Variants in CHPT1 observed in about 807,000 individuals in gnomAD.
CHPT1 encodes the protein cholinephosphotransferase 1.
CHPT1 carries 36 observed loss-of-function variants against 47.6 expected under a neutral mutation model. That is an observed-to-expected ratio of 0.76 (90% confidence interval 0.58 to 1.00). The LOEUF (loss-of-function observed/expected upper bound fraction) is 1.00, where lower values mean the gene tolerates loss of function less well. Among genes scored for constraint, CHPT1 ranks in the 50% least tolerant of loss-of-function variants. The pLI is 0.00. For synonymous variants in CHPT1, 194 were observed against 186.3 expected (o/e 1.04, Z -0.33); for missense variants, 458 against 498.1 (o/e 0.92, Z 0.77).
rs1161281095 is a variant in CHPT1 at position 101,728,892 on chromosome 12, A to G, written c.1177-9A>G. On this transcript the variant is annotated splice_polypyrimidine_tract_variant and intron_variant, in intron 8 of 8. Transcript: ENST00000229266. ...TTAGCTAACGTTATAATTGTATCATATTACTTAGGTTCAAGTTCTTTCTTC... is the reference window on the plus strand; with the variant it reads ...TTAGCTAACGTTATAATTGTATCATGTTACTTAGGTTCAAGTTCTTTCTTC... 23 of 1,613,064 alleles carry G rather than the reference A, an allele frequency of 1.4e-5. No homozygotes were observed. The highest frequency in any genetic ancestry group is 1.9e-5 in the Non-Finnish European group (23 of 1,179,514).
At chr12:101,709,318 G>A (rs2137008617) in intron 1 of CHPT1, among the ~76,000 whole-genome samples, 1 of 139,052 alleles carries the variant, frequency 7.2e-6, no homozygotes, top group African/African-American at 2.6e-5. Context: ...AGGATTGCAT[G>A]AACCCAGGAG....
intron 3 of CHPT1, 61 bp from the exon 4 acceptor site, chr12:101,716,667 C>CCT: frequency 9.9e-7 from 1 of 1,013,862 alleles, no homozygotes. Context: ...ATGTGATGAA[C>CCT]CTCCATATTC....
In CHPT1 at chr12:101,708,642, C is replaced by T. The variant is rs149054112; in HGVS notation, c.274-5448C>T. On this transcript the variant is annotated intron_variant, in intron 1 of 8. Coordinates refer to ENST00000229266, the MANE Select transcript of CHPT1 (RefSeq NM_020244.3). ...AATTATTTAGAGACAGGGTCTCACTCTGTTGCCCCAGCTGGAGTGCAGTGG... is the reference window on the plus strand; with the variant it reads ...AATTATTTAGAGACAGGGTCTCACTTTGTTGCCCCAGCTGGAGTGCAGTGG... Among the ~76,000 whole-genome samples, 714 of 150,118 alleles carry T rather than the reference C, an allele frequency of 4.8e-3. 63 individuals are homozygous for T. Among genetic ancestry groups the T allele is most frequent in the Middle Eastern group, 0.04 (11 of 272 alleles).
At position 101,697,970 on chromosome 12, in the gene CHPT1, G is replaced by A. The variant is rs201923549; in HGVS notation, c.109G>A (p.Ala37Thr). The change falls in exon 1 of 9, where the codon GCG (alanine) becomes ACG (threonine). Residue 37 changes from alanine (A) to threonine (T), a missense_variant. By Grantham distance (58) the Ala-to-Thr change is moderately conservative. Coordinates refer to ENST00000229266, the MANE Select transcript of CHPT1 (RefSeq NM_020244.3). ...RRLEEHRYSA[A>T]GVSLLEPPLQ... is the part of the protein sequence containing the mutation. ...ACTGGAGGAGCACCGCTACAGCGCGGCGGGCGTCTCGCTGCTCGAGCCGCC... is the reference window on the plus strand; with the variant it reads ...ACTGGAGGAGCACCGCTACAGCGCGACGGGCGTCTCGCTGCTCGAGCCGCC... The A allele has an allele frequency of 6.5e-4, 978 of 1,506,508 alleles. 3 individuals carry two copies. The African/African-American group carries it at 0.012, about 19-fold the overall frequency. The allele number at this position is 1,506,508 out of a possible 1,614,324, so 93.3% of individuals were successfully genotyped here.
intron 1 of CHPT1, among the ~76,000 whole-genome samples, chr12:101,705,441 G>A (rs1951618083): frequency 1.6e-5 from 1 of 61,912 alleles, no homozygotes; most frequent in Admixed American, 1.8e-4. Flanking sequence ...TTTACCTACA[G>A]ATCACCTAAA....
chr12:101,724,159 C>T (rs533536208), intron 7 of CHPT1, among the ~76,000 whole-genome samples: 3 of 147,902 alleles, frequency 2.0e-5, no homozygotes, highest in South Asian at 2.1e-4. Flanking sequence ...GCAGAGGTTG[C>T]GGTGAGCCGA....
chr12:101,718,231 A>T (rs1951792829), intron 4 of CHPT1, among the ~76,000 whole-genome samples: 2 of 152,188 alleles, frequency 1.3e-5, no homozygotes, highest in African/African-American at 4.8e-5. Context: ...TAGCACACAG[A>T]ATGTGTAACA....
chr12:101,725,729 G>C (rs1427320361), intron 7 of CHPT1, among the ~76,000 whole-genome samples: 1 of 152,040 alleles, frequency 6.6e-6, no homozygotes, highest in Non-Finnish European at 1.5e-5. Context: ...CCCTCTCCAA[G>C]GGCAGAGCTA....
In CHPT1 at chr12:101,697,685, G is replaced by C. The variant is rs867669018; in HGVS notation, c.-177G>C. On this transcript the variant is annotated 5_prime_UTR_variant, in exon 1 of 9. Transcript: ENST00000229266. ...CCGCGGCCCCACAGCTTCTGGGGCT[G>C]GGGCCCCGGCAGCCGGGCAGGCCGG... The C allele has an allele frequency of 5.9e-6, 1 of 168,566 alleles. No individual in the cohort carries two copies. The highest frequency in any genetic ancestry group is 2.0e-4 in the South Asian group (1 of 5,022). 10.4% of individuals were successfully genotyped at this position (168,566 alleles called of 1,614,324 possible). A position where few individuals can be genotyped will look rare whatever the true frequency, so the allele number is the denominator to read the frequency against.
chr12:101,724,360 C>T (rs898570135), intron 7 of CHPT1, among the ~76,000 whole-genome samples: 5 of 152,002 alleles, frequency 3.3e-5, no homozygotes, highest in Non-Finnish European at 1.5e-5. Context: ...TTTCCAACAA[C>T]CTGGATTCTT....
At chr12:101,717,502 T>C (rs1289801873) in intron 4 of CHPT1, 3 of 290,612 alleles carry the variant, frequency 1.0e-5, no homozygotes, top group South Asian at 3.5e-5. Context: ...TCAATACTTA[T>C]GTTCCTAAAC....
rs907226673 is a variant in CHPT1, at chr12:101,710,149, G to A, written c.274-3941G>A. Among the ~76,000 whole-genome samples, 29 of 148,322 alleles carry A rather than the reference G, an allele frequency of 2.0e-4. 1 individual carries two copies. Among genetic ancestry groups the A allele is most frequent in the African/African-American group, 5.1e-4 (21 of 40,964 alleles). ...CATTTAAGGTCAGGAGTTGGAGACCGGCCTGGGCAACATGGCAAAACCCTG... is the reference window on the plus strand; with the variant it reads ...CATTTAAGGTCAGGAGTTGGAGACCAGCCTGGGCAACATGGCAAAACCCTG... On this transcript the variant is annotated intron_variant, in intron 1 of 8. Transcript: ENST00000229266.
chr12:101,700,127 A>T (rs1951531143), intron 1 of CHPT1, among the ~76,000 whole-genome samples: 1 of 152,216 alleles, frequency 6.6e-6, no homozygotes, highest in Non-Finnish European at 1.5e-5. Flanking sequence ...AGCTAACAGC[A>T]TTTGAATGTT....
chr12:101,713,678 G>T (rs1338232170), intron 1 of CHPT1, among the ~76,000 whole-genome samples: 1 of 133,158 alleles, frequency 7.5e-6, no homozygotes, highest in African/African-American at 2.5e-5. Context: ...TATATAAGGT[G>T]GGAGAGCAAA....
rs1407224473 is a variant in CHPT1, at chr12:101,724,168, G to A, written c.1065+321G>A. ...TGGGAGGCAGAGGTTGCGGTGAGCCGAGATCATGCCACTGCACTCCAGCCT... is the reference window on the plus strand; with the variant it reads ...TGGGAGGCAGAGGTTGCGGTGAGCCAAGATCATGCCACTGCACTCCAGCCT... On this transcript the variant is annotated intron_variant, in intron 7 of 8. Coordinates refer to ENST00000229266, the MANE Select transcript of CHPT1 (RefSeq NM_020244.3). Among the ~76,000 whole-genome samples the A allele has an allele frequency of 2.7e-5, 4 of 149,698 alleles. No homozygotes were observed. In the East Asian group the frequency reaches 7.8e-4, roughly 29 times the overall value.
At position 101,697,726 on chromosome 12, in the gene CHPT1, C is replaced by A. The variant is rs143603461; in HGVS notation, c.-136C>A. 6 of 213,718 alleles carry A rather than the reference C, an allele frequency of 2.8e-5. No homozygotes were observed. Among genetic ancestry groups the A allele is most frequent in the Admixed American group, 1.9e-4 (3 of 16,008 alleles). 13.2% of individuals were successfully genotyped at this position (213,718 alleles called of 1,614,324 possible). On this transcript the variant is annotated 5_prime_UTR_variant, in exon 1 of 9. Transcript: ENST00000229266. The stretch of plus-strand genomic sequence containing the variant: ...GGCAGGCCGGCCTGACCTCGACCTC[C>A]GCCGTGCGGGCCCGACCGGTGAGTC...
rs200524746 is a variant in CHPT1, at chr12:101,726,321, T to A, written c.1093T>A (p.Tyr365Asn). Reference protein sequence around the residue: ...MVISSFDMVIYFSALCLQISR... With the variant: ...MVISSFDMVINFSALCLQISR... ...GATTTCTTCATTTGATATGGTGATA[T>A]ACTTTAGTGCTTTGTGCCTGCAAAT... Residue 365 changes from tyrosine to asparagine, a missense_variant, in exon 8 of 9, where the codon TAC (tyrosine) becomes AAC (asparagine). Transcript: ENST00000229266. 6.2e-7 allele frequency: 1 copy of A among 1,611,606 alleles called. No individual in the cohort carries two copies. The highest frequency in any genetic ancestry group is 2.2e-5 in the East Asian group (1 of 44,850).
At chr12:101,712,608 C>A (rs749061951) in intron 1 of CHPT1, among the ~76,000 whole-genome samples, 1 of 148,442 alleles carries the variant, frequency 6.7e-6, no homozygotes, top group Admixed American at 6.9e-5. Flanking sequence ...GTTTTTCTTT[C>A]GTCATTTTGG....
At chr12:101,723,953 A>C in intron 7 of CHPT1, 106 bp downstream of exon 7, 21 of 832,888 alleles carry the variant, frequency 2.5e-5, no homozygotes, top group Non-Finnish European at 3.3e-5. Flanking sequence ...GTGGTGACTC[A>C]CGCCTGTAAT....
Sources: gnomAD v4.1 joint callset for allele counts (sites outside exome capture counted in the v4.1 genomes callset) on GRCh38, gnomAD v4.1.1 for gene constraint, MANE v1.5 for transcripts, NCBI Gene and HGNC (gene_info 2026-07-23, HGNC 2026-07-21) for gene names.